Variants in MACROD2 observed in about 807,000 individuals in gnomAD.
MACROD2 encodes ADP-ribose glycohydrolase MACROD2.
Under a neutral mutation model 70.4 loss-of-function variants are expected in MACROD2, and 36 were observed. The observed-to-expected ratio is 0.51, with a 90% CI of 0.39 to 0.68. The LOEUF is 0.68. MACROD2 is among the 30% of genes least tolerant of loss of function. The probability of loss-of-function intolerance (pLI) is 0.00; values close to 1 mark genes in which losing one functional copy is unlikely to be tolerated. For synonymous variants in MACROD2, 172 were observed against 178.8 expected (o/e 0.96, Z 0.30); for missense variants, 496 against 538.4 (o/e 0.92, Z 0.78).
At chr20:14,640,706 G>A (rs982971420) in intron 4 of MACROD2, among the ~76,000 whole-genome samples, 2 of 152,130 alleles carry the variant, frequency 1.3e-5, no homozygotes, top group Non-Finnish European at 2.9e-5. Flanking sequence ...CAGCGCATAT[G>A]GAATTTATGT....
rs548424418 is a variant in MACROD2, at chr20:14,648,548, A to G, written c.302-36295A>G. The stretch of plus-strand genomic sequence containing the variant: ...CTAGCAGTCCAATGTGGATCTTTCT[A>G]CTTTCTCTCTTTTTGCCTTTGCCTT... On this transcript the variant is annotated intron_variant, in intron 4 of 17. Transcript: ENST00000684519. Among the ~76,000 whole-genome samples the G allele has an allele frequency of 7.2e-5, 11 of 152,004 alleles. No individual in the cohort carries two copies. The South Asian group carries it at 2.3e-3, about 32-fold the overall frequency.
chr20:15,106,429 G>T (rs781324886), intron 5 of MACROD2, among the ~76,000 whole-genome samples: 5 of 151,962 alleles, frequency 3.3e-5, no homozygotes, highest in Non-Finnish European at 7.4e-5. Flanking sequence ...CTGTATAAGA[G>T]GACAAGAGCA....
At chr20:14,948,797 T>C (rs1348045017) in intron 5 of MACROD2, among the ~76,000 whole-genome samples, 1 of 152,208 alleles carries the variant, frequency 6.6e-6, no homozygotes, top group Non-Finnish European at 1.5e-5. Context: ...CCTAGCCTAA[T>C]ACAGGACTTT....
At chr20:14,685,796 C>G (rs374642235) in intron 5 of MACROD2, among the ~76,000 whole-genome samples, 1 of 152,130 alleles carries the variant, frequency 6.6e-6, no homozygotes, top group Non-Finnish European at 1.5e-5. Context: ...CTGTGGAATA[C>G]ATTTTATGTA....
At chr20:14,280,716 T>G (rs748604078) in intron 3 of MACROD2, among the ~76,000 whole-genome samples, 44 of 152,332 alleles carry the variant, frequency 2.9e-4, no homozygotes, top group Non-Finnish European at 5.3e-4. Flanking sequence ...TTTCACCTTT[T>G]TAAGCATCTT....
chr20:14,178,986 T>C (rs1340497417), intron 3 of MACROD2, among the ~76,000 whole-genome samples: 1 of 152,170 alleles, frequency 6.6e-6, no homozygotes, highest in Non-Finnish European at 1.5e-5. Flanking sequence ...CCATATTCTA[T>C]TGTCAAAGCA....
intron 2 of MACROD2, among the ~76,000 whole-genome samples, chr20:14,028,485 C>T (rs1162417160): frequency 6.6e-6 from 1 of 152,214 alleles, no homozygotes; most frequent in Non-Finnish European, 1.5e-5. Flanking sequence ...AAAACTCCTG[C>T]AGCTAGCTCG....
At chr20:14,405,543 T>C (rs2083682803) in intron 3 of MACROD2, among the ~76,000 whole-genome samples, 1 of 152,218 alleles carries the variant, frequency 6.6e-6, no homozygotes, top group Non-Finnish European at 1.5e-5. Flanking sequence ...AGGTACTCTG[T>C]CACTTGAACT....
intron 5 of MACROD2, among the ~76,000 whole-genome samples, chr20:15,104,913 A>G (rs1264062058): frequency 2.0e-5 from 3 of 152,118 alleles, no homozygotes. Flanking sequence ...GTATTGTTTT[A>G]TTTTATTTTT....
intron 5 of MACROD2, among the ~76,000 whole-genome samples, chr20:14,723,470 A>G (rs2071493155): frequency 6.6e-6 from 1 of 151,310 alleles, no homozygotes; most frequent in Non-Finnish European, 1.5e-5. Flanking sequence ...ATATATGTTT[A>G]TCTTCTCTTG....
At chr20:15,269,553 A>G (rs981232601) in intron 6 of MACROD2, among the ~76,000 whole-genome samples, 1 of 152,360 alleles carries the variant, frequency 6.6e-6, no homozygotes, top group African/African-American at 2.4e-5. Flanking sequence ...GATGATAGTC[A>G]GCAGTGAATA....
chr20:15,521,304 T>C (rs578196450), intron 8 of MACROD2, among the ~76,000 whole-genome samples: 1 of 152,328 alleles, frequency 6.6e-6, no homozygotes, highest in South Asian at 2.1e-4. Context: ...AAAGACATTC[T>C]AGAGATGTAG....
chr20:15,074,944 A>C (rs2075647127), intron 5 of MACROD2, among the ~76,000 whole-genome samples: 2 of 152,192 alleles, frequency 1.3e-5, no homozygotes, highest in Non-Finnish European at 2.9e-5. Flanking sequence ...CAACTCACAA[A>C]AGAAAAGAGA....
chr20:15,893,849 G>T (rs557244596), intron 10 of MACROD2: 32 of 456,814 alleles, frequency 7.0e-5, no homozygotes, highest in Non-Finnish European at 1.2e-4. Flanking sequence ...AGAAGTGCAG[G>T]ATAAAGGTGA....
chr20:14,464,115 G>C (rs1192828155), intron 3 of MACROD2, among the ~76,000 whole-genome samples: 1 of 152,030 alleles, frequency 6.6e-6, no homozygotes, highest in Middle Eastern at 3.2e-3. Context: ...AATGGTACCA[G>C]TTCCTCCTTG....
In MACROD2 at chr20:14,645,867, T is replaced by C. The variant is rs1169834129; in HGVS notation, c.302-38976T>C. Among the ~76,000 whole-genome samples, 10 of 152,074 alleles carry C rather than the reference T, an allele frequency of 6.6e-5. No homozygotes were observed. In the East Asian group the frequency reaches 1.9e-3, roughly 29 times the overall value. On this transcript the variant is annotated intron_variant, in intron 4 of 17. Transcript: ENST00000684519. ...CATTACACAGGGAATTCAAGGCAGA[T>C]AAAAAACTCCATTTACAGAAACCAA... is the stretch of plus-strand genomic sequence containing the variant.
intron 8 of MACROD2, among the ~76,000 whole-genome samples, chr20:15,771,155 T>G (rs2051617981): frequency 6.6e-6 from 1 of 151,720 alleles, no homozygotes; most frequent in Non-Finnish European, 1.5e-5. Flanking sequence ...AGCCTCAGGG[T>G]CAAATGTCTC....
intron 3 of MACROD2, among the ~76,000 whole-genome samples, chr20:14,174,662 C>T (rs1390555197): frequency 3.3e-5 from 5 of 152,198 alleles, no homozygotes; most frequent in Non-Finnish European, 4.4e-5. Context: ...TGTGTCTATA[C>T]ACGTGATTTG....
At chr20:15,182,018 C>A (rs1344589963) in intron 5 of MACROD2, among the ~76,000 whole-genome samples, 4 of 151,830 alleles carry the variant, frequency 2.6e-5, no homozygotes, top group Non-Finnish European at 5.9e-5. Context: ...AGATCATACC[C>A]CTAGAGTACA....
Sources: allele counts gnomAD v4.1 joint callset (sites outside exome capture counted in the v4.1 genomes callset), GRCh38; gene constraint gnomAD v4.1.1; transcripts MANE v1.5; gene names NCBI Gene and HGNC (gene_info 2026-07-23, HGNC 2026-07-21).